The following SRPK2 variants were observed in gnomAD, a reference collection of about 807,000 sequenced individuals.
SRPK2 encodes SRSF protein kinase 2.
Under a neutral mutation model 90.8 loss-of-function variants are expected in SRPK2, and 21 were observed. The observed-to-expected ratio is 0.23, with a 90% CI of 0.16 to 0.33. SRPK2 has a LOEUF of 0.33. SRPK2 is among the 10% of genes least tolerant of loss of function. SRPK2 has a pLI of 1.00. For missense variants in SRPK2, 620 were observed against 869.0 expected (o/e 0.71, Z 3.60); for synonymous variants, 288 against 311.1 (o/e 0.93, Z 0.78).
intron 2 of SRPK2, among the ~76,000 whole-genome samples, chr7:105,231,364 T>C (rs1799400981): frequency 6.6e-6 from 1 of 152,196 alleles, no homozygotes; most frequent in Admixed American, 6.5e-5. Context: ...TGAACAGTGC[T>C]GCACTGAACA....
chr7:105,287,284 AG>A (rs57736299), intron 2 of SRPK2, among the ~76,000 whole-genome samples: 820 of 26,000 alleles, frequency 0.032, 35 homozygotes, highest in African/African-American at 0.087. Context: ...AAAAAAAAAA[AG>A]AAGAAAAGGA....
intron 3 of SRPK2, among the ~76,000 whole-genome samples, chr7:105,182,261 G>A (rs981363213): frequency 1.4e-5 from 2 of 147,854 alleles, no homozygotes; most frequent in African/African-American, 5.0e-5. Flanking sequence ...AAATTCAACC[G>A]TATACTCTAA....
intron 2 of SRPK2, among the ~76,000 whole-genome samples, chr7:105,230,583 C>T (rs757438352): frequency 1.3e-5 from 2 of 152,194 alleles, no homozygotes; most frequent in Non-Finnish European, 2.9e-5. Flanking sequence ...CTATAAAGGA[C>T]ATGTATACCA....
chr7:105,180,700 G>A (rs1303747791), intron 3 of SRPK2, among the ~76,000 whole-genome samples: 1 of 152,226 alleles, frequency 6.6e-6, no homozygotes, highest in Non-Finnish European at 1.5e-5. Flanking sequence ...GAAGGTTGCA[G>A]TGAGCCGAGA....
At chr7:105,170,734 G>GGAA (rs1790710609) in intron 3 of SRPK2, among the ~76,000 whole-genome samples, 1 of 84,212 alleles carries the variant, frequency 1.2e-5, no homozygotes, top group Non-Finnish European at 2.5e-5. Context: ...AGGAAAGAAA[G>GGAA]GGAAGAAAGG....
chr7:105,157,237 G>A, intron 7 of SRPK2, among the ~76,000 whole-genome samples: 1 of 152,176 alleles, frequency 6.6e-6, no homozygotes, highest in African/African-American at 2.4e-5. Context: ...GGTTCCTGGG[G>A]AAGCACAGCA....
At chr7:105,362,379 G>A (rs1244435516) in intron 2 of SRPK2, among the ~76,000 whole-genome samples, 17 of 152,032 alleles carry the variant, frequency 1.1e-4, no homozygotes, top group Admixed American at 2.6e-4. Context: ...AGGCCAAGGC[G>A]GGTGGATCAC....
At chr7:105,146,183 C>G (rs1055899061) in intron 8 of SRPK2, among the ~76,000 whole-genome samples, 2 of 152,152 alleles carry the variant, frequency 1.3e-5, no homozygotes, top group Non-Finnish European at 2.9e-5. Context: ...TAAAGGTCAG[C>G]TACAGGAAAG....
intron 13 of SRPK2, among the ~76,000 whole-genome samples, chr7:105,128,711 TG>T (rs1268866978): frequency 6.6e-6 from 1 of 152,210 alleles, no homozygotes; most frequent in African/African-American, 2.4e-5. Flanking sequence ...GACTTCAATC[TG>T]GTTGCATATA....
At chr7:105,224,611 AAAT>A (rs774647198) in intron 2 of SRPK2, among the ~76,000 whole-genome samples, 1 of 152,082 alleles carries the variant, frequency 6.6e-6, no homozygotes. Context: ...CTCTGTCTAA[AAAT>A]AATAATAATA....
At chr7:105,128,797 C>G (rs1365411979) in intron 13 of SRPK2, among the ~76,000 whole-genome samples, 1 of 152,148 alleles carries the variant, frequency 6.6e-6, no homozygotes, top group Non-Finnish European at 1.5e-5. Flanking sequence ...TCTTGGGCTC[C>G]AGTGATCCTC....
intron 2 of SRPK2, among the ~76,000 whole-genome samples, chr7:105,212,122 A>G (rs1423045924): frequency 6.6e-6 from 1 of 152,238 alleles, no homozygotes; most frequent in Non-Finnish European, 1.5e-5. Flanking sequence ...TCAGCACTAC[A>G]TATGTCTTAT....
At chr7:105,182,938 T>C (rs561031730) in intron 3 of SRPK2, among the ~76,000 whole-genome samples, 43 of 152,298 alleles carry the variant, frequency 2.8e-4, no homozygotes, top group Non-Finnish European at 6.0e-4. Flanking sequence ...AAAAAAATCA[T>C]ATTTCTATTA....
intron 2 of SRPK2, among the ~76,000 whole-genome samples, chr7:105,370,245 G>T (rs1819544843): frequency 1.3e-5 from 2 of 152,086 alleles, no homozygotes; most frequent in South Asian, 4.1e-4. Flanking sequence ...TCGGCTTCCT[G>T]GGGATGTTTA....
Position 105,204,743 on chromosome 7 carries a change from T to C in SRPK2, c.72-958A>G, listed in dbSNP as rs1241202022. The C allele has an allele frequency of 6.2e-6, 4 of 642,960 alleles. No homozygotes were observed. In the East Asian group the frequency reaches 1.6e-4, roughly 26 times the overall value. The allele number at this position is 642,960 out of a possible 1,614,324, so 39.8% of individuals were successfully genotyped here. A position where few individuals can be genotyped will look rare whatever the true frequency, so the allele number is the denominator to read the frequency against. On this transcript the variant is annotated intron_variant, in intron 2 of 15. Transcript: ENST00000393651. ...TGACAAACATATTGTGGTCTGGTTCTGGTCAAGCAAAATTCTTTAGCACCA... is the reference window on the plus strand; with the variant it reads ...TGACAAACATATTGTGGTCTGGTTCCGGTCAAGCAAAATTCTTTAGCACCA...
chr7:105,388,985 C>T, upstream of SRPK2: 1 of 1,051,994 alleles, frequency 9.5e-7, no homozygotes, highest in Non-Finnish European at 1.1e-6. Context: ...TCCGGCCCCG[C>T]CCCCGCCCCG....
chr7:105,220,541 G>A (rs1354369551), intron 2 of SRPK2, among the ~76,000 whole-genome samples: 1 of 151,990 alleles, frequency 6.6e-6, no homozygotes, highest in African/African-American at 2.4e-5. Flanking sequence ...GAAAAAAAGA[G>A]TTAATACAAG....
intron 2 of SRPK2, among the ~76,000 whole-genome samples, chr7:105,347,085 G>A (rs1816552632): frequency 6.7e-6 from 1 of 149,422 alleles, no homozygotes. Flanking sequence ...TAAGATTAAG[G>A]TTTCATTCTG....
At position 105,331,834 on chromosome 7, in the gene SRPK2, G is replaced by A. The variant is rs185720927; in HGVS notation, c.71+56814C>T. Among the ~76,000 whole-genome samples the A allele has an allele frequency of 2.1e-3, 315 of 152,244 alleles. 1 individual carries two copies. Among genetic ancestry groups the A allele is most frequent in the Non-Finnish European group, 3.5e-3 (241 of 68,012 alleles). On this transcript the variant is annotated intron_variant, in intron 2 of 15. Transcript: ENST00000393651. ...TGGAACGGTCATGAAAGTCTCCAAG[G>A]CATGACATCAAAGCTGACGACAGAA...
Sources: allele counts gnomAD v4.1 joint callset (sites outside exome capture counted in the v4.1 genomes callset), GRCh38; gene constraint gnomAD v4.1.1; transcripts MANE v1.5; gene names NCBI Gene and HGNC (gene_info 2026-07-23, HGNC 2026-07-21).